ABCA13: variants seen among roughly 807,000 people sequenced by gnomAD.
The protein encoded by ABCA13 is ATP-binding cassette sub-family A member 13.
ABCA13 carries 476 observed loss-of-function variants against 478.7 expected under a neutral mutation model. That is an observed-to-expected ratio of 0.99 (90% CI 0.92 to 1.07). The LOEUF (loss-of-function observed/expected upper bound fraction) is 1.07. Ranked by LOEUF, ABCA13 falls within the 50% of genes least tolerant of loss-of-function variation. The pLI is 0.00. For missense variants in ABCA13, 6,060 were observed against 5,910.6 expected, an observed-to-expected ratio of 1.03 and a Z score of -0.83; for synonymous variants, 2,252 against 2,158.9, an observed-to-expected ratio of 1.04 and a Z score of -1.20.
chr7:48,353,430 T>C (rs993396769), intron 31 of ABCA13, among the ~76,000 whole-genome samples: 3 of 151,586 alleles, frequency 2.0e-5, no homozygotes, highest in Non-Finnish European at 2.9e-5. Context: ...AGTAAGTGGC[T>C]GAACATGAGG....
intron 23 of ABCA13, among the ~76,000 whole-genome samples, chr7:48,299,528 C>T (rs1048946718): frequency 2.0e-5 from 3 of 152,162 alleles, no homozygotes; most frequent in African/African-American, 7.2e-5. Context: ...TCTTCCCTAC[C>T]TCGCATGATG....
intron 34 of ABCA13, among the ~76,000 whole-genome samples, chr7:48,375,726 T>A (rs1813375195): frequency 6.6e-6 from 1 of 151,920 alleles, no homozygotes; most frequent in South Asian, 2.1e-4. Flanking sequence ...GTTCTTAGAG[T>A]TTTTCAATAA....
intron 23 of ABCA13, among the ~76,000 whole-genome samples, chr7:48,308,826 T>G (rs756968046): frequency 3.3e-5 from 5 of 151,110 alleles, no homozygotes; most frequent in African/African-American, 4.9e-5. Flanking sequence ...CTTACCACTG[T>G]GTGACAACTG....
chr7:48,547,327 C>T (rs1440557551), intron 55 of ABCA13, among the ~76,000 whole-genome samples: 1 of 151,890 alleles, frequency 6.6e-6, no homozygotes, highest in Non-Finnish European at 1.5e-5. Flanking sequence ...GTTATATTCT[C>T]ATTTGAATTT....
chr7:48,251,432 A>G (rs1457175058), intron 15 of ABCA13, among the ~76,000 whole-genome samples: 1 of 152,174 alleles, frequency 6.6e-6, no homozygotes, highest in African/African-American at 2.4e-5. Context: ...TTCAGATGAG[A>G]AAATTGAGGC....
In ABCA13 at chr7:48,350,736, T is replaced by C. The variant is rs1296465475; in HGVS notation, c.10298T>C (p.Leu3433Pro). The C allele has an allele frequency of 6.2e-7, 1 of 1,613,874 alleles. No individual in the cohort carries two copies. The highest frequency in any genetic ancestry group is 2.2e-5 in the East Asian group (1 of 44,890). The change falls in exon 30 of 62, where the codon CTG (leucine) becomes CCG (proline). Residue 3433 changes from leucine to proline, a missense_variant. Coordinates refer to ENST00000435803, the MANE Select transcript of ABCA13 (RefSeq NM_152701.5). ...ILVNLSSCVALNRFQALQSVD... is the reference protein window; with the variant it reads ...ILVNLSSCVAPNRFQALQSVD... ...GTCAATCTCTCTTCCTGCGTGGCAC[T>C]GAACCGTTTCCAGGCTCTGCAGTCT...
chr7:48,526,277 C>G (rs2131017834), intron 54 of ABCA13, among the ~76,000 whole-genome samples: 1 of 152,174 alleles, frequency 6.6e-6, no homozygotes, highest in African/African-American at 2.4e-5. Flanking sequence ...CTGAGGCTGC[C>G]TTTGGGGCCT....
At position 48,543,752 on chromosome 7, in the gene ABCA13, C is replaced by G. The variant is rs563405211; in HGVS notation, c.14354+15407C>G. ...CATTAATATAAAAATGCAAAACAAA[C>G]AACAGATACATATATATTTTTAATC... On this transcript the variant is annotated intron_variant, in intron 55 of 61. Coordinates refer to ENST00000435803, the MANE Select transcript of ABCA13 (RefSeq NM_152701.5). Among the ~76,000 whole-genome samples the G allele has an allele frequency of 2.6e-5, 4 of 151,692 alleles. No individual in the cohort carries two copies. In the South Asian group the frequency reaches 8.3e-4, roughly 32 times the overall value.
chr7:48,491,698 G>C (rs972159086), intron 48 of ABCA13, among the ~76,000 whole-genome samples: 10 of 152,176 alleles, frequency 6.6e-5, no homozygotes, highest in Admixed American at 2.0e-4. Context: ...CCACAGGAAG[G>C]TGTGTTGGCA....
intron 44 of ABCA13, among the ~76,000 whole-genome samples, chr7:48,468,953 TA>T (rs1827178780): frequency 6.6e-6 from 1 of 152,228 alleles, no homozygotes; most frequent in African/African-American, 2.4e-5. Context: ...TAAAATGTGT[TA>T]AAGTAGTCAA....
At chr7:48,395,234 G>C (rs1816679396) in intron 38 of ABCA13, among the ~76,000 whole-genome samples, 3 of 152,204 alleles carry the variant, frequency 2.0e-5, no homozygotes, top group South Asian at 4.1e-4. Context: ...ACTCTCTCCA[G>C]TTGCAGGTGG....
intron 47 of ABCA13, among the ~76,000 whole-genome samples, chr7:48,486,106 A>T (rs961737115): frequency 1.3e-5 from 2 of 152,100 alleles, no homozygotes; most frequent in Non-Finnish European, 2.9e-5. Context: ...GAGATCCACA[A>T]GCTACTCTCA....
intron 19 of ABCA13, among the ~76,000 whole-genome samples, chr7:48,285,077 G>A (rs76898782): frequency 0.022 from 3,344 of 152,242 alleles, 126 homozygotes; most frequent in African/African-American, 0.076. Context: ...CTCATGCAAC[G>A]GAAGGAGCCT....
At chr7:48,340,947 A>T (rs916912129) in intron 29 of ABCA13, among the ~76,000 whole-genome samples, 1 of 152,128 alleles carries the variant, frequency 6.6e-6, no homozygotes, top group African/African-American at 2.4e-5. Context: ...TGATACACCT[A>T]CGGCAGTATT....
At chr7:48,449,161 C>T (rs565885974) in intron 42 of ABCA13, among the ~76,000 whole-genome samples, 8 of 152,272 alleles carry the variant, frequency 5.3e-5, no homozygotes, top group African/African-American at 1.9e-4. Flanking sequence ...TCTGTACTGC[C>T]ATGTTTAATA....
intron 42 of ABCA13, among the ~76,000 whole-genome samples, chr7:48,449,451 C>T (rs1824721279): frequency 6.6e-6 from 1 of 152,038 alleles, no homozygotes; most frequent in South Asian, 2.1e-4. Context: ...TTTATATATA[C>T]CAGAACAAAG....
At chr7:48,476,082 A>G (rs1828061253) in intron 45 of ABCA13, among the ~76,000 whole-genome samples, 1 of 152,192 alleles carries the variant, frequency 6.6e-6, no homozygotes, top group African/African-American at 2.4e-5. Context: ...AGAAAACATG[A>G]GTTTATTCTC....
chr7:48,522,116 T>C (rs1460519371), intron 53 of ABCA13, among the ~76,000 whole-genome samples: 1 of 152,164 alleles, frequency 6.6e-6, no homozygotes, highest in Non-Finnish European at 1.5e-5. Flanking sequence ...CTTTCTCTAT[T>C]AGGGCACATC....
intron 57 of ABCA13, among the ~76,000 whole-genome samples, chr7:48,593,457 T>C (rs1053061993): frequency 2.6e-5 from 4 of 152,002 alleles, no homozygotes; most frequent in Admixed American, 1.3e-4. Context: ...GCTCTTTATA[T>C]TGTATTTCCA....
Sources: gnomAD v4.1 joint callset for allele counts (sites outside exome capture counted in the v4.1 genomes callset) on GRCh38, gnomAD v4.1.1 for gene constraint, MANE v1.5 for transcripts, NCBI Gene and HGNC (gene_info 2026-07-23, HGNC 2026-07-21) for gene names.